The following SCAF11 variants were observed in gnomAD, a reference collection of about 807,000 sequenced individuals.
The protein encoded by SCAF11 is SR-related CTD associated factor 11.
In SCAF11, 47 loss-of-function variants were observed where a neutral mutation model predicts 140.5. The observed-to-expected ratio is 0.33, with a 90% CI of 0.26 to 0.43. The LOEUF is 0.43. SCAF11 is among the 20% of genes least tolerant of loss of function. The pLI is 1.00. For missense variants in SCAF11, 1,645 were observed against 1,705.1 expected (o/e 0.96, Z 0.62); for synonymous variants, 557 against 579.4 (o/e 0.96, Z 0.55).
Position 45,950,864 on chromosome 12 carries a change from G to C in SCAF11, c.297+786C>G, listed in dbSNP as rs149139857. Among the ~76,000 whole-genome samples the C allele has an allele frequency of 2.5e-4, 38 of 152,188 alleles. No individual in the cohort carries two copies. The East Asian group carries it at 6.6e-3, about 26-fold the overall frequency. On this transcript the variant is annotated intron_variant, in intron 4 of 14. Transcript: ENST00000369367. Reference sequence around the variant, plus strand: ...AACCAAGTGGACAAAGACTAACAGTGCTACCTAAAAACGGTTTGTTTCTCC... The same window carrying C: ...AACCAAGTGGACAAAGACTAACAGTCCTACCTAAAAACGGTTTGTTTCTCC...
chr12:45,966,547 AAG>A (rs1412928863), intron 1 of SCAF11, among the ~76,000 whole-genome samples: 1 of 151,990 alleles, frequency 6.6e-6, no homozygotes, highest in Non-Finnish European at 1.5e-5. Context: ...GGAATAAAAA[AAG>A]AGGAAGCTGT....
At chr12:45,940,745 T>C (rs1448224337) in intron 6 of SCAF11, among the ~76,000 whole-genome samples, 1 of 152,214 alleles carries the variant, frequency 6.6e-6, no homozygotes, top group Middle Eastern at 3.2e-3. Flanking sequence ...TGTATCTCAA[T>C]GAAAAAAACT....
chr12:45,968,682 T>C lies in SCAF11; in HGVS notation c.-21-4494A>G, dbSNP rs573691102. ...GACGCAGGGCACAGTGGCTCACACCTGTAATCCCAGCACTTTGGGAGGCTG... is the reference window on the plus strand; with the variant it reads ...GACGCAGGGCACAGTGGCTCACACCCGTAATCCCAGCACTTTGGGAGGCTG... On this transcript the variant is annotated intron_variant, in intron 1 of 14. Transcript: ENST00000369367. 6.7e-4 allele frequency among the ~76,000 whole-genome samples: 102 copies of C among 152,272 alleles called. 1 individual carries two copies. Among genetic ancestry groups the C allele is most frequent in the Admixed American group, 3.0e-3 (46 of 15,300 alleles).
At chr12:45,991,067 GTGTCCGCATGT>G (rs1946597834), upstream of SCAF11, among the ~76,000 whole-genome samples, 1 of 152,246 alleles carries the variant, frequency 6.6e-6, no homozygotes, top group African/African-American at 2.4e-5. Context: ...ATTGAAAAGA[GTGTCCGCATGT>G]TTGCGGTGGA....
chr12:45,955,695 A>G (rs893915022), intron 3 of SCAF11: 2 of 153,550 alleles, frequency 1.3e-5, no homozygotes, highest in African/African-American at 4.8e-5. Context: ...TGCCTTAAAT[A>G]CAATAAAAAT....
chr12:45,983,501 G>A (rs1158510890), intron 1 of SCAF11, among the ~76,000 whole-genome samples: 4 of 151,928 alleles, frequency 2.6e-5, no homozygotes, highest in African/African-American at 7.3e-5. Context: ...TTAAAACACC[G>A]TCAATACTGA....
At chr12:45,971,832 AC>A (rs1170679710) in intron 1 of SCAF11, among the ~76,000 whole-genome samples, 1 of 152,020 alleles carries the variant, frequency 6.6e-6, no homozygotes, top group Admixed American at 6.6e-5. Flanking sequence ...AGAGAGATGA[AC>A]CATCCTCACC....
rs1038428070 is a variant in SCAF11 at position 45,934,319 on chromosome 12, A to G, written c.523-34T>C. 2.8e-6 allele frequency: 4 copies of G among 1,453,226 alleles called. No individual in the cohort carries two copies. The South Asian group carries it at 4.7e-5, about 17-fold the overall frequency. The allele number at this position is 1,453,226 out of a possible 1,614,324, so 90.0% of individuals were successfully genotyped here. On this transcript the variant is annotated intron_variant, in intron 7 of 14. Coordinates refer to ENST00000369367, the MANE Select transcript of SCAF11 (RefSeq NM_004719.3). ...GTAAAAAGTAGTTAGTGAAACAGCA[A>G]ATAAATAACAGGTAAATAATAGTTA...
chr12:45,937,035 G>A (rs1565667851), intron 6 of SCAF11, among the ~76,000 whole-genome samples: 1 of 151,860 alleles, frequency 6.6e-6, no homozygotes, highest in African/African-American at 2.4e-5. Context: ...ACTTTATGAA[G>A]TATTTGGTAT....
In SCAF11 at chr12:45,934,271, A is replaced by G. The variant is rs1407199658; in HGVS notation, c.537T>C (p.Asn179=). The G allele has an allele frequency of 8.1e-6, 13 of 1,607,880 alleles. No individual in the cohort carries two copies. In the African/African-American group the frequency reaches 1.1e-4, roughly 13 times the overall value. Residue 179 remains asparagine (N), a synonymous_variant, in exon 8 of 15, where the codon AAT becomes AAC. Coordinates refer to ENST00000369367, the MANE Select transcript of SCAF11 (RefSeq NM_004719.3). ...AIKINKPQRS[N]WSTNQCFRNF... ...TTCTGAAGCACTGATTTGTACTCCA[A>G]TTTGATCTCTGAGGCTAGAAAAGTA...
chr12:45,922,049 C>A lies in SCAF11; in HGVS notation c.4391G>T (p.Ter1464LeuextTer28). The A allele has an allele frequency of 1.9e-6, 3 of 1,608,724 alleles. No homozygotes were observed. The highest frequency in any genetic ancestry group is 2.5e-6 in the Non-Finnish European group (3 of 1,178,628). The change falls in exon 15 of 15, where the codon TGA becomes TTA. Residue 1464 changes from the stop codon to leucine, a stop_lost. Transcript: ENST00000369367. ...EPVSTEKNIG[*>L] ...ATGTCCTTGACAGCGTTCCCCATTTCAGCCTATGTTTTTTTCAGTAGACAC... is the reference window on the plus strand; with the variant it reads ...ATGTCCTTGACAGCGTTCCCCATTTAAGCCTATGTTTTTTTCAGTAGACAC...
chr12:45,964,872 A>T (rs1448116269), intron 1 of SCAF11, among the ~76,000 whole-genome samples: 1 of 152,148 alleles, frequency 6.6e-6, no homozygotes, highest in South Asian at 2.1e-4. Context: ...GAAATACAAT[A>T]ACATTTAGCT....
chr12:45,970,084 C>CG (rs1410841700), intron 1 of SCAF11, among the ~76,000 whole-genome samples: 1 of 152,174 alleles, frequency 6.6e-6, no homozygotes, highest in African/African-American at 2.4e-5. Context: ...TTAGGAGAGA[C>CG]GGGGTTTCAC....
At chr12:45,978,437 T>A (rs1946282791) in intron 1 of SCAF11, among the ~76,000 whole-genome samples, 2 of 152,192 alleles carry the variant, frequency 1.3e-5, no homozygotes, top group Non-Finnish European at 2.9e-5. Flanking sequence ...AGGGATGAGT[T>A]ATACATTTGG....
At chr12:45,960,446 T>G (rs1345391775) in intron 3 of SCAF11, 1 of 152,194 alleles carries the variant, frequency 6.6e-6, no homozygotes, top group East Asian at 1.9e-4. Context: ...AGCAACCATG[T>G]GCACTAAATT....
chr12:45,978,643 G>A lies in SCAF11; in HGVS notation c.-22+11710C>T, dbSNP rs1044759429. On this transcript the variant is annotated intron_variant, in intron 1 of 14. Transcript: ENST00000369367. ...GAGAAGAAAGGCATCTTGGATGGACGTATGGAAGTAGAGGAAGAACTGGTG... is the reference window on the plus strand; with the variant it reads ...GAGAAGAAAGGCATCTTGGATGGACATATGGAAGTAGAGGAAGAACTGGTG... Among the ~76,000 whole-genome samples, 8 of 152,252 alleles carry A rather than the reference G, an allele frequency of 5.3e-5. No individual in the cohort carries two copies. The East Asian group carries it at 5.8e-4, about 11-fold the overall frequency.
intron 1 of SCAF11, among the ~76,000 whole-genome samples, chr12:45,989,137 T>C (rs1946531961): frequency 6.6e-6 from 1 of 152,234 alleles, no homozygotes; most frequent in Non-Finnish European, 1.5e-5. Context: ...AAAATTTTAA[T>C]ACAATTACTA....
chr12:45,959,673 A>G (rs746782796), intron 3 of SCAF11, among the ~76,000 whole-genome samples: 1 of 152,210 alleles, frequency 6.6e-6, no homozygotes, highest in African/African-American at 2.4e-5. Flanking sequence ...AAACATATCT[A>G]TTTTTATCAC....
Position 45,924,847 on chromosome 12 carries a change from G to T in SCAF11, c.3787C>A (p.Leu1263Ile). The change falls in exon 12 of 15, where the codon CTC (leucine) becomes ATC (isoleucine). Residue 1263 changes from leucine (L) to isoleucine (I), a missense_variant. Physicochemically the swap from Leu to Ile is conservative, Grantham distance 5 (BLOSUM62 2). Coordinates refer to ENST00000369367, the MANE Select transcript of SCAF11 (RefSeq NM_004719.3). ...LPLHLHTGVP[L>I]MQVATPTSVS... is the part of the protein sequence containing the mutation. ...CTGGTAGGAGTGGCTACCTGCATGA[G>T]GGGCACTCCTGTGTGGAGATGCAAG... The T allele has an allele frequency of 6.2e-7, 1 of 1,614,062 alleles. No individual in the cohort carries two copies. The highest frequency in any genetic ancestry group is 8.5e-7 in the Non-Finnish European group (1 of 1,179,984).
Sources: allele counts gnomAD v4.1 joint callset (sites outside exome capture counted in the v4.1 genomes callset), GRCh38; gene constraint gnomAD v4.1.1; transcripts MANE v1.5; gene names NCBI Gene and HGNC (gene_info 2026-07-23, HGNC 2026-07-21).